The following RNF130 variants were observed in gnomAD, a reference collection of about 807,000 sequenced individuals.
RNF130 encodes the protein E3 ubiquitin-protein ligase RNF130.
A neutral mutation model predicts 44.6 loss-of-function variants in RNF130; 21 were observed. That is an observed-to-expected ratio of 0.47 (90% CI 0.33 to 0.68). RNF130 has a LOEUF of 0.68. Ranked by LOEUF, RNF130 falls within the 30% of genes least tolerant of loss-of-function variation. RNF130 has a pLI of 0.02. For synonymous variants in RNF130, 214 were observed against 210.4 expected (o/e 1.02, Z -0.15); for missense variants, 479 against 560.6 (o/e 0.85, Z 1.47).
intron 2 of RNF130, among the ~76,000 whole-genome samples, chr5:180,030,662 C>T (rs1268167015): frequency 6.6e-6 from 1 of 152,196 alleles, no homozygotes; most frequent in Non-Finnish European, 1.5e-5. Flanking sequence ...TGCTTGCCAA[C>T]ATGCCAGCTC....
chr5:180,032,310 C>T (rs1281757089), intron 2 of RNF130, among the ~76,000 whole-genome samples: 1 of 152,154 alleles, frequency 6.6e-6, no homozygotes, highest in Non-Finnish European at 1.5e-5. Flanking sequence ...TTACCTCTTA[C>T]ATTTTGTCTA....
In RNF130 at chr5:180,055,267, AAAAAAAAAAAAAAC is replaced by A. The variant is rs1238337295; in HGVS notation, c.248-14634_248-14621del. ...CTGTCTCAAAAAAAAAAAAAAAAAA[AAAAAAAAAAAAAAC>A]AAAAAAAAACAGCAAACAAACAAAA... is the stretch of plus-strand genomic sequence containing the variant. On this transcript the variant is annotated intron_variant, in intron 1 of 8. Transcript: ENST00000521389. Among the ~76,000 whole-genome samples, 163 of 28,400 alleles carry A rather than the reference AAAAAAAAAAAAAAC, an allele frequency of 5.7e-3. 13 individuals carry two copies. Among genetic ancestry groups the A allele is most frequent in the African/African-American group, 0.013 (152 of 11,346 alleles). The allele number at this position is 28,400 out of a possible 152,430, so 18.6% of individuals were successfully genotyped here.
At chr5:179,965,431 T>C (rs1762420273) in intron 7 of RNF130, among the ~76,000 whole-genome samples, 1 of 152,244 alleles carries the variant, frequency 6.6e-6, no homozygotes, top group Non-Finnish European at 1.5e-5. Context: ...GGTGATTAAT[T>C]TGGTATATGA....
At chr5:179,966,382 A>G (rs1377341758) in intron 7 of RNF130, among the ~76,000 whole-genome samples, 1 of 152,212 alleles carries the variant, frequency 6.6e-6, no homozygotes, top group Non-Finnish European at 1.5e-5. Flanking sequence ...TTTAGGTTCA[A>G]GTTCTAGATG....
rs555586974 is a variant in RNF130 at position 180,034,581 on chromosome 5, T to C, written c.442+5872A>G. Among the ~76,000 whole-genome samples the C allele has an allele frequency of 1.0e-4, 9 of 86,844 alleles. No homozygotes were observed. The South Asian group carries it at 6.1e-3, about 59-fold the overall frequency. The allele number at this position is 86,844 out of a possible 152,430, so 57.0% of individuals were successfully genotyped here. On this transcript the variant is annotated intron_variant, in intron 2 of 8. Coordinates refer to ENST00000521389, the MANE Select transcript of RNF130 (RefSeq NM_018434.6). ...GTCAATTCTGACAATCTGTATATTT[T>C]TAGGAATTTGTTCATCTAAGGTGTC... is the stretch of plus-strand genomic sequence containing the variant.
At chr5:179,937,343 ACAACT>A (rs1761906025) in intron 7 of RNF130, among the ~76,000 whole-genome samples, 1 of 152,234 alleles carries the variant, frequency 6.6e-6, no homozygotes, top group South Asian at 2.1e-4. Context: ...AGAAACTCTT[ACAACT>A]CAACAGCAAA....
intron 1 of RNF130, among the ~76,000 whole-genome samples, chr5:180,069,603 A>T (rs1011539461): frequency 1.3e-5 from 2 of 152,220 alleles, no homozygotes; most frequent in African/African-American, 2.4e-5. Flanking sequence ...CTAGGTTAAC[A>T]AATCTCCTCT....
chr5:179,960,093 T>TA (rs967319599), intron 8 of RNF130, among the ~76,000 whole-genome samples: 7 of 152,178 alleles, frequency 4.6e-5, no homozygotes, highest in Admixed American at 1.3e-4. Context: ...GAGGGAAAAC[T>TA]AGAGTGACAC....
intron 1 of RNF130, among the ~76,000 whole-genome samples, chr5:180,041,470 G>C (rs181865659): frequency 2.0e-5 from 3 of 152,242 alleles, no homozygotes; most frequent in African/African-American, 7.2e-5. Flanking sequence ...CAGAGTAAGC[G>C]CCTCAATTTT....
At chr5:179,963,364 G>T in intron 8 of RNF130, 107 bp downstream of exon 8, 1 of 779,084 alleles carries the variant, frequency 1.3e-6, no homozygotes, top group South Asian at 1.5e-5. Context: ...ATCAGGATCC[G>T]TATGAAACTG....
At chr5:180,032,036 T>C (rs1764141499) in intron 2 of RNF130, among the ~76,000 whole-genome samples, 1 of 152,234 alleles carries the variant, frequency 6.6e-6, no homozygotes, top group Non-Finnish European at 1.5e-5. Flanking sequence ...ATTAAACCTT[T>C]TGCCCGTTGT....
chr5:179,938,949 C>T (rs13164817), intron 7 of RNF130, among the ~76,000 whole-genome samples: 15,687 of 152,094 alleles, frequency 0.1, 1,008 homozygotes, highest in Non-Finnish European at 0.14. Context: ...ATACACAGGC[C>T]GGGCACAGCA....
At chr5:180,039,022 G>A (rs1399195809) in intron 2 of RNF130, among the ~76,000 whole-genome samples, 2 of 152,092 alleles carry the variant, frequency 1.3e-5, no homozygotes, top group Non-Finnish European at 2.9e-5. Context: ...AACTACCCTC[G>A]AGTCCTGTGT....
intron 6 of RNF130, 81 bp downstream of exon 6, chr5:179,970,329 A>G: frequency 4.7e-6 from 5 of 1,057,698 alleles, no homozygotes; most frequent in Non-Finnish European, 6.9e-6. Context: ...CATGCCTCCT[A>G]TTATGCCAAT....
chr5:179,953,712 A>G (rs113492228), downstream of RNF130, among the ~76,000 whole-genome samples: 1 of 152,214 alleles, frequency 6.6e-6, no homozygotes, highest in East Asian at 1.9e-4. Flanking sequence ...TAGGTAATAC[A>G]TTCTTAGACA....
intron 1 of RNF130, among the ~76,000 whole-genome samples, chr5:180,051,724 T>A (rs2113160676): frequency 6.6e-6 from 1 of 152,298 alleles, no homozygotes; most frequent in African/African-American, 2.4e-5. Context: ...TTTTGATTAT[T>A]TTTTACATCC....
At chr5:180,066,814 A>G (rs1765118197) in intron 1 of RNF130, among the ~76,000 whole-genome samples, 1 of 152,112 alleles carries the variant, frequency 6.6e-6, no homozygotes, top group African/African-American at 2.4e-5. Flanking sequence ...CCTGGGCAAC[A>G]AGAGCGAAAC....
chr5:179,970,576 A>G lies in RNF130; in HGVS notation c.849-70T>C, dbSNP rs1174010323. On this transcript the variant is annotated intron_variant, in intron 5 of 8. Transcript: ENST00000521389. Reference sequence around the variant, plus strand: ...ACTTATTAGGCCAAAATGGAAAGAAAGGGAATTTTTAGTTAAGTTTTCTTT... The same window carrying G: ...ACTTATTAGGCCAAAATGGAAAGAAGGGGAATTTTTAGTTAAGTTTTCTTT... The G allele has an allele frequency of 9.0e-6, 11 of 1,226,392 alleles. No individual in the cohort carries two copies. In the East Asian group the frequency reaches 2.4e-4, roughly 27 times the overall value. The allele number at this position is 1,226,392 out of a possible 1,614,324, so 76.0% of individuals were successfully genotyped here. A position where few individuals can be genotyped will look rare whatever the true frequency, so the allele number is the denominator to read the frequency against.
intron 3 of RNF130, among the ~76,000 whole-genome samples, chr5:179,992,202 C>A (rs892993240): frequency 6.6e-6 from 1 of 152,196 alleles, no homozygotes; most frequent in Non-Finnish European, 1.5e-5. Flanking sequence ...AGTGCAGTGG[C>A]ACGATCTCGG....
Sources: gnomAD v4.1 joint callset for allele counts (sites outside exome capture counted in the v4.1 genomes callset) on GRCh38, gnomAD v4.1.1 for gene constraint, MANE v1.5 for transcripts, NCBI Gene and HGNC (gene_info 2026-07-23, HGNC 2026-07-21) for gene names.